The following FHIT variants were observed in gnomAD, a reference collection of about 807,000 sequenced individuals.
The protein encoded by FHIT is bis(5'-adenosyl)-triphosphatase.
In FHIT, 19 loss-of-function variants were observed where a neutral mutation model predicts 17.9. That is an observed-to-expected ratio of 1.06 (90% CI 0.74 to 1.56). The LOEUF (loss-of-function observed/expected upper bound fraction) is 1.56, where lower values mean the gene tolerates loss of function less well. Ranked by LOEUF, FHIT falls within the 40% of genes most tolerant of loss-of-function variation. The probability of loss-of-function intolerance (pLI) is 0.00; values close to 1 mark genes in which losing one functional copy is unlikely to be tolerated. For missense variants in FHIT, 248 were observed against 189.2 expected (o/e 1.31, Z -1.82); for synonymous variants, 81 against 69.7 (o/e 1.16, Z -0.81).
At chr3:61,167,170 C>T (rs1211831144) in intron 2 of FHIT, 3 of 151,878 alleles carry the variant, frequency 2.0e-5, no homozygotes, top group South Asian at 2.1e-4. Flanking sequence ...CATGAGAATT[C>T]GATACAGGAT....
At chr3:60,707,909 G>A (rs559197206) in intron 4 of FHIT, among the ~76,000 whole-genome samples, 211 of 152,210 alleles carry the variant, frequency 1.4e-3, no homozygotes, top group Non-Finnish European at 2.3e-3. Flanking sequence ...TTTTTAAATA[G>A]TCTTCAAAAG....
At chr3:60,160,124 ATGTG>A (rs10565469) in intron 5 of FHIT, among the ~76,000 whole-genome samples, 1 of 150,974 alleles carries the variant, frequency 6.6e-6, no homozygotes, top group Non-Finnish European at 1.5e-5. Context: ...TTCTGTGCTT[ATGTG>A]TGTGTGTGTG....
intron 4 of FHIT, among the ~76,000 whole-genome samples, chr3:60,721,096 T>C (rs2041799378): frequency 6.6e-6 from 1 of 152,086 alleles, no homozygotes; most frequent in Non-Finnish European, 1.5e-5. Flanking sequence ...AGCAATTGCT[T>C]TGTGGGAGCA....
intron 5 of FHIT, among the ~76,000 whole-genome samples, chr3:60,220,301 A>G (rs761004216): frequency 2.4e-4 from 36 of 152,108 alleles, no homozygotes; most frequent in Admixed American, 2.4e-3. Context: ...TGGCCTGAAT[A>G]TATTTCCTAT....
intron 2 of FHIT, among the ~76,000 whole-genome samples, chr3:61,101,663 G>A (rs1007976601): frequency 7.9e-5 from 12 of 152,146 alleles, no homozygotes; most frequent in Middle Eastern, 3.4e-3. Flanking sequence ...CATTTTAATG[G>A]TATTGATTCT....
intron 5 of FHIT, among the ~76,000 whole-genome samples, chr3:60,051,406 G>T (rs1376374455): frequency 6.9e-6 from 1 of 144,290 alleles, no homozygotes; most frequent in Non-Finnish European, 1.5e-5. Context: ...GACCAAATAA[G>T]GTGAACACCT....
chr3:60,505,975 G>C (rs958995099), intron 5 of FHIT, among the ~76,000 whole-genome samples: 13 of 152,104 alleles, frequency 8.5e-5, no homozygotes, highest in African/African-American at 2.9e-4. Flanking sequence ...GAAACTATTA[G>C]GCCATTTGTA....
At chr3:61,065,566 C>T (rs909215953) in intron 2 of FHIT, among the ~76,000 whole-genome samples, 1 of 152,090 alleles carries the variant, frequency 6.6e-6, no homozygotes, top group Non-Finnish European at 1.5e-5. Flanking sequence ...CAGTCTACTG[C>T]GCTTCCCCAA....
At chr3:60,174,023 C>T (rs1701555104) in intron 5 of FHIT, among the ~76,000 whole-genome samples, 1 of 148,384 alleles carries the variant, frequency 6.7e-6, no homozygotes, top group African/African-American at 2.5e-5. Flanking sequence ...AAGTGATTCT[C>T]CTGCTTCAGC....
intron 2 of FHIT, among the ~76,000 whole-genome samples, chr3:61,097,692 C>G (rs1178419594): frequency 6.6e-6 from 1 of 152,126 alleles, no homozygotes; most frequent in Admixed American, 6.5e-5. Flanking sequence ...TTGCATTTCT[C>G]TAATGATCAG....
intron 5 of FHIT, among the ~76,000 whole-genome samples, chr3:60,245,747 G>GA (rs1705362474): frequency 1.3e-5 from 2 of 151,952 alleles, no homozygotes; most frequent in African/African-American, 4.8e-5. Flanking sequence ...ATTTATTGCA[G>GA]AAATGTTTTT....
At chr3:60,012,263 G>GTTTTTTTT (rs1416490274) in intron 6 of FHIT, among the ~76,000 whole-genome samples, 2 of 118,958 alleles carry the variant, frequency 1.7e-5, no homozygotes, top group Non-Finnish European at 3.4e-5. Flanking sequence ...TGTTTTTTTT[G>GTTTTTTTT]TTGTTTTTTT....
At chr3:60,463,541 A>G (rs961567984) in intron 5 of FHIT, among the ~76,000 whole-genome samples, 2 of 152,054 alleles carry the variant, frequency 1.3e-5, no homozygotes, top group African/African-American at 2.4e-5. Flanking sequence ...TCCTCCTTCC[A>G]TTTCTCCTTC....
At chr3:60,973,698 A>G (rs913117419) in intron 3 of FHIT, among the ~76,000 whole-genome samples, 4 of 152,176 alleles carry the variant, frequency 2.6e-5, no homozygotes, top group African/African-American at 9.7e-5. Context: ...GTATGATCAC[A>G]AAGAAACATG....
chr3:60,714,322 A>G (rs1237101623), intron 4 of FHIT, among the ~76,000 whole-genome samples: 3 of 152,080 alleles, frequency 2.0e-5, no homozygotes, highest in Non-Finnish European at 4.4e-5. Context: ...CCCACAGCAA[A>G]TATCATACTG....
rs1553798840 is a variant in FHIT at position 61,014,807 on chromosome 3, A to AATATATATATATAT, written c.-111+27226_-111+27239dup. ...AAAAAAAAAAAAAAAAAAAAAAAAA[A>AATATATATATATAT]ATATATATATATATATATGTATACA... On this transcript the variant is annotated intron_variant, in intron 3 of 9. Coordinates refer to ENST00000492590, the MANE Select transcript of FHIT (RefSeq NM_002012.4). 6.1e-3 allele frequency among the ~76,000 whole-genome samples: 299 copies of AATATATATATATAT among 49,050 alleles called. 1 individual carries two copies. Among genetic ancestry groups the AATATATATATATAT allele is most frequent in the Non-Finnish European group, 9.9e-3 (217 of 21,916 alleles). 32.2% of individuals were successfully genotyped at this position (49,050 alleles called of 152,430 possible). A position where few individuals can be genotyped will look rare whatever the true frequency, so the allele number is the denominator to read the frequency against.
chr3:60,406,143 C>T (rs1211882734), intron 5 of FHIT, among the ~76,000 whole-genome samples: 2 of 152,116 alleles, frequency 1.3e-5, no homozygotes, highest in Non-Finnish European at 2.9e-5. Flanking sequence ...TATATATGCT[C>T]CACCACTCAA....
intron 5 of FHIT, among the ~76,000 whole-genome samples, chr3:60,266,707 TAA>T (rs978403394): frequency 2.0e-5 from 3 of 151,420 alleles, no homozygotes; most frequent in Non-Finnish European, 4.4e-5. Flanking sequence ...CTGTAGAGAG[TAA>T]AATAGAGGGT....
intron 5 of FHIT, among the ~76,000 whole-genome samples, chr3:60,450,259 A>G (rs1051908472): frequency 2.0e-4 from 30 of 152,034 alleles, no homozygotes; most frequent in Admixed American, 1.5e-3. Context: ...TACAATGTCT[A>G]CGTCAACACT....
Sources: gnomAD v4.1 joint callset for allele counts (sites outside exome capture counted in the v4.1 genomes callset) on GRCh38, gnomAD v4.1.1 for gene constraint, MANE v1.5 for transcripts, NCBI Gene and HGNC (gene_info 2026-07-23, HGNC 2026-07-21) for gene names.